KIF13B: variants seen among roughly 807,000 people sequenced by gnomAD.
KIF13B encodes the protein kinesin-like protein KIF13B.
KIF13B carries 127 observed loss-of-function variants against 222.0 expected under a neutral mutation model. The ratio of observed to expected loss-of-function variants is 0.57; its 90% CI spans 0.50 to 0.66. The LOEUF is 0.66. Among genes scored for constraint, KIF13B ranks in the 30% least tolerant of loss-of-function variants. The pLI is 0.00. For synonymous variants in KIF13B, 976 were observed against 919.0 expected (o/e 1.06, Z -1.12); for missense variants, 2,173 against 2,379.0 (o/e 0.91, Z 1.80).
chr8:29,095,207 C>T (rs946245560), intron 36 of KIF13B, among the ~76,000 whole-genome samples: 1 of 152,002 alleles, frequency 6.6e-6, no homozygotes, highest in African/African-American at 2.4e-5. Flanking sequence ...AGTACAGTTA[C>T]CACAAAGATA....
rs1364188690 is a variant in KIF13B at position 29,148,629 on chromosome 8, A to G, written c.1761T>C (p.Phe587=). ...SSSEVSSEVN[F]NYEYAQMEVT... is the part of the protein sequence containing the mutation. ...CCTCCATCTGTGCGTATTCGTAATT[A>G]AAGTTAACTTCACTGGACACCTCGC... Residue 587 remains phenylalanine (F), a synonymous_variant, in exon 16 of 40, where the codon TTT becomes TTC. Transcript: ENST00000524189. 6.2e-7 allele frequency: 1 copy of G among 1,612,822 alleles called. No individual in the cohort carries two copies. Among genetic ancestry groups the G allele is most frequent in the Non-Finnish European group, 8.5e-7 (1 of 1,179,442 alleles).
At chr8:29,211,084 A>G (rs2130473308) in intron 2 of KIF13B, among the ~76,000 whole-genome samples, 1 of 152,320 alleles carries the variant, frequency 6.6e-6, no homozygotes. Flanking sequence ...TTTCCGTAAG[A>G]CTGAGACAGC....
chr8:29,142,409 T>C, intron 18 of KIF13B, 106 bp from the exon 19 acceptor site: 2 of 939,804 alleles, frequency 2.1e-6, no homozygotes, highest in Non-Finnish European at 3.2e-6. Flanking sequence ...AAAACTCAAA[T>C]GGCAATCATC....
intron 36 of KIF13B, among the ~76,000 whole-genome samples, chr8:29,093,595 C>T (rs1808394952): frequency 6.6e-6 from 1 of 152,190 alleles, no homozygotes; most frequent in Non-Finnish European, 1.5e-5. Context: ...TTAAGGAATA[C>T]ATTTGCCTCA....
intron 21 of KIF13B, among the ~76,000 whole-genome samples, chr8:29,136,816 T>TG (rs1209415933): frequency 1.4e-5 from 2 of 148,144 alleles, no homozygotes. Flanking sequence ...TTTTTTTTTT[T>TG]TGAGATGGCG....
In KIF13B at chr8:29,071,140, C is replaced by G. The variant is rs757067661; in HGVS notation, c.5219-374G>C. Among the ~76,000 whole-genome samples, 9 of 152,188 alleles carry G rather than the reference C, an allele frequency of 5.9e-5. No individual in the cohort carries two copies. The highest frequency in any genetic ancestry group is 1.2e-4 in the Non-Finnish European group (8 of 68,024). Reference sequence around the variant, plus strand: ...GGAACAGACCCTTCTCCATCTGGACCCAGGCCTGGGCTGGGTGGCGGGAGA... The same window carrying G: ...GGAACAGACCCTTCTCCATCTGGACGCAGGCCTGGGCTGGGTGGCGGGAGA... On this transcript the variant is annotated intron_variant, in intron 39 of 39. Transcript: ENST00000524189. This position sits in a 1 kb window ranked among gnomAD's most constrained non-coding sequence, Gnocchi z 4.9.
At chr8:29,222,515 C>CTTTTTTTTTTTTTT (rs58488862) in intron 2 of KIF13B, among the ~76,000 whole-genome samples, 9 of 60,590 alleles carry the variant, frequency 1.5e-4, no homozygotes, top group Admixed American at 2.6e-4. Context: ...CCACACCTGA[C>CTTTTTTTTTTTTTT]TTTTTTTTTT....
chr8:29,119,352 G>A (rs1378657630), intron 29 of KIF13B, among the ~76,000 whole-genome samples: 1 of 152,176 alleles, frequency 6.6e-6, no homozygotes, highest in Non-Finnish European at 1.5e-5. Flanking sequence ...GAGCAAGGGT[G>A]ATTCCAGGCA....
intron 1 of KIF13B, among the ~76,000 whole-genome samples, 175 bp downstream of exon 1, chr8:29,262,800 GGAGAA>G (rs1171186753): frequency 6.6e-6 from 1 of 151,204 alleles, no homozygotes; most frequent in Non-Finnish European, 1.5e-5. Context: ...GGAAGGGAGG[GGAGAA>G]GAGGGAGCCG....
At chr8:29,254,212 A>C (rs1215524512) in intron 1 of KIF13B, among the ~76,000 whole-genome samples, 1 of 152,232 alleles carries the variant, frequency 6.6e-6, no homozygotes, top group Non-Finnish European at 1.5e-5. Context: ...ATCTAAATGT[A>C]AGAGCTAAAC....
intron 37 of KIF13B, among the ~76,000 whole-genome samples, chr8:29,090,751 C>T (rs749512509): frequency 3.3e-5 from 5 of 152,046 alleles, no homozygotes; most frequent in South Asian, 2.1e-4. Flanking sequence ...ACTCTGTCAC[C>T]CAGGCTGGAA....
intron 2 of KIF13B, among the ~76,000 whole-genome samples, chr8:29,215,280 G>A (rs1294592102): frequency 6.6e-6 from 1 of 152,106 alleles, no homozygotes; most frequent in Non-Finnish European, 1.5e-5. Flanking sequence ...GCAAAATATG[G>A]CAAATTTGGG....
At chr8:29,138,821 C>T (rs577565922) in intron 21 of KIF13B, among the ~76,000 whole-genome samples, 1 of 152,096 alleles carries the variant, frequency 6.6e-6, no homozygotes, top group South Asian at 2.1e-4. Flanking sequence ...TGAGAGAGCA[C>T]GAGCATACCA....
rs749123286 is a variant in KIF13B at position 29,190,990 on chromosome 8, C to T, written c.223+7G>A. ...TCAGTAGTTGACAGGATGCTGGATT[C>T]TATTACCTGCATACTTTTCTTTGAC... On this transcript the variant is annotated splice_region_variant and intron_variant, in intron 4 of 39. Transcript: ENST00000524189. The T allele has an allele frequency of 6.2e-7, 1 of 1,607,418 alleles. No homozygotes were observed. The highest frequency in any genetic ancestry group is 1.7e-5 in the Admixed American group (1 of 59,992).
intron 2 of KIF13B, among the ~76,000 whole-genome samples, chr8:29,217,791 CCCACCATACT>C (rs1814560018): frequency 6.6e-6 from 1 of 152,186 alleles, no homozygotes; most frequent in African/African-American, 2.4e-5. Flanking sequence ...CAAAACCTCC[CCCACCATACT>C]CCACCAACTA....
chr8:29,077,924 T>C (rs773790363), intron 37 of KIF13B, among the ~76,000 whole-genome samples: 12 of 151,958 alleles, frequency 7.9e-5, no homozygotes, highest in South Asian at 2.1e-4. Flanking sequence ...GGCAACCTGA[T>C]TGGTGGGGAA....
chr8:29,181,862 A>G (rs1321754576), intron 7 of KIF13B, 57 bp downstream of exon 7: 10 of 1,179,778 alleles, frequency 8.5e-6, no homozygotes, highest in Non-Finnish European at 1.2e-5. Context: ...CCAAGAAAAA[A>G]AAGAGCCCCA....
At chr8:29,228,135 T>C (rs1187594050) in intron 2 of KIF13B, among the ~76,000 whole-genome samples, 2 of 151,714 alleles carry the variant, frequency 1.3e-5, no homozygotes, top group Admixed American at 6.6e-5. Context: ...TTTTCACTGG[T>C]AAAGTGCATA....
At chr8:29,089,999 A>G (rs1199358417) in intron 37 of KIF13B, among the ~76,000 whole-genome samples, 1 of 152,124 alleles carries the variant, frequency 6.6e-6, no homozygotes, top group Non-Finnish European at 1.5e-5. Context: ...GTCCTTCCTC[A>G]GAGTGGCCTT....
Sources: gnomAD v4.1 joint callset for allele counts (sites outside exome capture counted in the v4.1 genomes callset) on GRCh38, gnomAD v4.1.1 for gene constraint, Gnocchi (gnomAD v3.1) non-coding constraint, MANE v1.5 for transcripts, NCBI Gene and HGNC (gene_info 2026-07-23, HGNC 2026-07-21) for gene names.